The following FAM110B variants were observed in gnomAD, a reference collection of about 807,000 sequenced individuals.
FAM110B encodes the protein protein FAM110B.
A neutral mutation model predicts 20.4 loss-of-function variants in FAM110B; 6 were observed. The observed-to-expected ratio is 0.29, with a 90% CI of 0.16 to 0.58. The LOEUF (loss-of-function observed/expected upper bound fraction) is 0.58. Ranked by LOEUF, FAM110B falls within the 20% of genes least tolerant of loss-of-function variation. FAM110B has a pLI of 0.90. For synonymous variants in FAM110B, 226 were observed against 214.1 expected (o/e 1.06, Z -0.49); for missense variants, 434 against 498.2 (o/e 0.87, Z 1.23).
chr8:58,032,354 A>T (rs1369533064), intron 2 of FAM110B: 2 of 152,252 alleles, frequency 1.3e-5, no homozygotes, highest in African/African-American at 4.8e-5. Context: ...ATTTTTAATT[A>T]TTAACATAAT....
chr8:58,016,375 G>C (rs756109424), intron 1 of FAM110B, among the ~76,000 whole-genome samples: 4 of 152,196 alleles, frequency 2.6e-5, no homozygotes, highest in Non-Finnish European at 5.9e-5. Context: ...GGGCCTCCCG[G>C]GAGGTTATTC....
At chr8:58,052,208 A>G (rs1382531466) in intron 2 of FAM110B, among the ~76,000 whole-genome samples, 1 of 152,224 alleles carries the variant, frequency 6.6e-6, no homozygotes, top group African/African-American at 2.4e-5. Flanking sequence ...TAGTTGGCTG[A>G]AATCTTCCAT....
chr8:58,067,407 G>A (rs1450846116), intron 2 of FAM110B, among the ~76,000 whole-genome samples: 1 of 152,140 alleles, frequency 6.6e-6, no homozygotes, highest in African/African-American at 2.4e-5. Flanking sequence ...AGACCCTCAG[G>A]GAGCTTGAGC....
At chr8:58,036,776 G>T (rs1805081483) in intron 2 of FAM110B, among the ~76,000 whole-genome samples, 1 of 152,142 alleles carries the variant, frequency 6.6e-6, no homozygotes, top group African/African-American at 2.4e-5. Flanking sequence ...ATTTGCTTTA[G>T]GTATTGATCT....
intron 1 of FAM110B, among the ~76,000 whole-genome samples, chr8:58,004,855 A>T (rs776745554): frequency 1.6e-4 from 24 of 152,078 alleles, no homozygotes; most frequent in Admixed American, 5.9e-4. Context: ...CTTGCTCTGG[A>T]TTGGGCCTTG....
At chr8:58,045,251 G>A (rs931423686) in intron 2 of FAM110B, among the ~76,000 whole-genome samples, 1 of 152,178 alleles carries the variant, frequency 6.6e-6, no homozygotes, top group Non-Finnish European at 1.5e-5. Flanking sequence ...TCAGGGCTGT[G>A]GCAGGGTGTC....
chr8:58,041,084 G>C (rs1215336404), intron 2 of FAM110B, among the ~76,000 whole-genome samples: 1 of 151,948 alleles, frequency 6.6e-6, no homozygotes, highest in East Asian at 1.9e-4. Context: ...AGGATTACAG[G>C]TGCCCACCAC....
intron 1 of FAM110B, among the ~76,000 whole-genome samples, chr8:58,022,871 A>G (rs1804783489): frequency 6.6e-6 from 1 of 152,258 alleles, no homozygotes; most frequent in African/African-American, 2.4e-5. Flanking sequence ...GACAGTGATT[A>G]GTCTCTCCAG....
At chr8:58,052,543 T>C (rs1805468063) in intron 2 of FAM110B, among the ~76,000 whole-genome samples, 1 of 152,146 alleles carries the variant, frequency 6.6e-6, no homozygotes, top group South Asian at 2.1e-4. Context: ...TTGTGAGGCT[T>C]ATATTTGAGT....
chr8:58,117,922 A>G (rs1807257106), intron 3 of FAM110B, among the ~76,000 whole-genome samples: 1 of 152,246 alleles, frequency 6.6e-6, no homozygotes, highest in Non-Finnish European at 1.5e-5. Flanking sequence ...GACATTAAAT[A>G]CAAGACAGCA....
chr8:58,143,304 G>C (rs1253737663), intron 3 of FAM110B, among the ~76,000 whole-genome samples: 1 of 152,146 alleles, frequency 6.6e-6, no homozygotes, highest in Non-Finnish European at 1.5e-5. Context: ...CTTCCAATAA[G>C]ATGAAGTTGT....
At chr8:58,003,263 C>G (rs1171406744) in intron 1 of FAM110B, among the ~76,000 whole-genome samples, 1 of 152,202 alleles carries the variant, frequency 6.6e-6, no homozygotes, top group Admixed American at 6.5e-5. Flanking sequence ...CTCTAGTTCT[C>G]TTGCTATTTC....
chr8:58,078,145 G>A (rs910082796), intron 3 of FAM110B, among the ~76,000 whole-genome samples: 2 of 151,874 alleles, frequency 1.3e-5, no homozygotes, highest in South Asian at 2.1e-4. Context: ...CATTATTATC[G>A]CCATTAAATT....
At chr8:58,001,833 A>G (rs530245844) in intron 1 of FAM110B, among the ~76,000 whole-genome samples, 4 of 152,218 alleles carry the variant, frequency 2.6e-5, no homozygotes, top group Non-Finnish European at 5.9e-5. Flanking sequence ...TGAGAGAACC[A>G]GAGAACCAGA....
At chr8:58,030,708 T>C (rs1022161007) in intron 1 of FAM110B, among the ~76,000 whole-genome samples, 1 of 152,216 alleles carries the variant, frequency 6.6e-6, no homozygotes, top group African/African-American at 2.4e-5. Flanking sequence ...CTTCCCTGTC[T>C]GTTGGCTCCT....
At chr8:58,090,245 C>T (rs1209184860) in intron 3 of FAM110B, among the ~76,000 whole-genome samples, 2 of 152,178 alleles carry the variant, frequency 1.3e-5, no homozygotes, top group Non-Finnish European at 2.9e-5. Flanking sequence ...CTGCAACCTC[C>T]GCCTCCCAGA....
At chr8:58,007,848 AT>A (rs1804443033) in intron 1 of FAM110B, among the ~76,000 whole-genome samples, 1 of 151,540 alleles carries the variant, frequency 6.6e-6, no homozygotes, top group Non-Finnish European at 1.5e-5. Flanking sequence ...GCACCTAGGC[AT>A]TATGCTAGGT....
At chr8:58,139,756 G>A (rs1217647820) in intron 3 of FAM110B, among the ~76,000 whole-genome samples, 2 of 152,074 alleles carry the variant, frequency 1.3e-5, no homozygotes, top group African/African-American at 2.4e-5. Context: ...GTGAAACCCC[G>A]TCTCTACTAA....
At chr8:58,007,407 G>A (rs760148506) in intron 1 of FAM110B, among the ~76,000 whole-genome samples, 4 of 152,130 alleles carry the variant, frequency 2.6e-5, no homozygotes, top group African/African-American at 7.2e-5. Context: ...ACAAAGATAC[G>A]TCTTTTTAGT....
Sources: gnomAD v4.1 joint callset for allele counts (sites outside exome capture counted in the v4.1 genomes callset) on GRCh38, gnomAD v4.1.1 for gene constraint, MANE v1.5 for transcripts, NCBI Gene and HGNC (gene_info 2026-07-23, HGNC 2026-07-21) for gene names.